Variants in FBP1 observed in about 807,000 individuals in gnomAD.
FBP1 encodes fructose-1,6-bisphosphatase 1.
A neutral mutation model predicts 29.9 loss-of-function variants in FBP1; 22 were observed. The observed-to-expected ratio is 0.74, with a 90% CI of 0.53 to 1.05. The LOEUF (loss-of-function observed/expected upper bound fraction) is 1.05, where lower values mean the gene tolerates loss of function less well. Among genes scored for constraint, FBP1 ranks in the 50% least tolerant of loss-of-function variants. The pLI is 0.00. For synonymous variants in FBP1, 175 were observed against 178.6 expected (o/e 0.98, Z 0.16); for missense variants, 345 against 448.2 (o/e 0.77, Z 2.08).
At chr9:94,613,730 C>A (rs1827819241) in intron 3 of FBP1, among the ~76,000 whole-genome samples, 1 of 150,924 alleles carries the variant, frequency 6.6e-6, no homozygotes, top group Admixed American at 6.6e-5. Flanking sequence ...GGCGCCACTG[C>A]TCTCAGCCTG....
chr9:94,622,298 G>A (rs563753650), intron 1 of FBP1, among the ~76,000 whole-genome samples: 1 of 152,246 alleles, frequency 6.6e-6, no homozygotes, highest in Non-Finnish European at 1.5e-5. Context: ...CAAGGCGAGA[G>A]CCTTGATGTG....
intron 1 of FBP1, among the ~76,000 whole-genome samples, chr9:94,629,558 CAGG>C (rs2131499367): frequency 6.6e-6 from 1 of 152,208 alleles, no homozygotes; most frequent in African/African-American, 2.4e-5. Context: ...CACCAGCCTC[CAGG>C]AGATCTTCCA....
rs568708589 is a variant in FBP1, at chr9:94,603,491, C to G, written c.907G>C (p.Val303Leu). Residue 303 changes from valine to leucine, a missense_variant, in exon 7 of 7, where the codon GTG becomes CTG. Coordinates refer to ENST00000375326, the MANE Select transcript of FBP1 (RefSeq NM_000507.4). ...GGMATTGKEA[V>L]LDVIPTDIHQ... ...ATGTCTGTGGGAATGACGTCTAACACGGCCTCCTTCCCAGTGGTGGCCATT... is the reference window on the plus strand; with the variant it reads ...ATGTCTGTGGGAATGACGTCTAACAGGGCCTCCTTCCCAGTGGTGGCCATT... The G allele has an allele frequency of 6.8e-6, 11 of 1,613,978 alleles. No homozygotes were observed. In the African/African-American group the frequency reaches 1.5e-4, roughly 22 times the overall value.
At chr9:94,619,298 G>A (rs1444776848) in intron 2 of FBP1, among the ~76,000 whole-genome samples, 1 of 152,152 alleles carries the variant, frequency 6.6e-6, no homozygotes, top group African/African-American at 2.4e-5. Context: ...ATAGGGTGAG[G>A]ACAGGCAGCC....
At chr9:94,605,296 G>A (rs139326390) in intron 6 of FBP1, among the ~76,000 whole-genome samples, 161 bp downstream of exon 6, 15 of 152,264 alleles carry the variant, frequency 9.9e-5, no homozygotes, top group Admixed American at 1.3e-4. Flanking sequence ...AGTTGATATC[G>A]TCTGGCTTTA....
rs59522821 is a variant in FBP1, at chr9:94,611,797, C to T, written c.427-1736G>A. ...GCATATTCTGGGGCTACAGCCTAGA[C>T]ACACTGTCAGACTTTCCATGGCGGG... On this transcript the variant is annotated intron_variant, in intron 3 of 6. Coordinates refer to ENST00000375326, the MANE Select transcript of FBP1 (RefSeq NM_000507.4). 3.5e-3 allele frequency among the ~76,000 whole-genome samples: 539 copies of T among 152,286 alleles called. 2 individuals are homozygous for T. Among genetic ancestry groups the T allele is most frequent in the African/African-American group, 0.012 (518 of 41,554 alleles).
intron 3 of FBP1, among the ~76,000 whole-genome samples, chr9:94,610,339 T>C (rs2131477230): frequency 1.3e-5 from 2 of 152,310 alleles, no homozygotes; most frequent in East Asian, 3.9e-4. Context: ...CACTATCAGT[T>C]CCAAAAAAGA....
intron 1 of FBP1, among the ~76,000 whole-genome samples, chr9:94,622,399 T>C (rs1346860651): frequency 2.6e-5 from 4 of 152,244 alleles, no homozygotes; most frequent in African/African-American, 7.2e-5. Context: ...ATGATGGCGA[T>C]GTGCGCTCGC....
chr9:94,604,069 C>T (rs534702539), intron 6 of FBP1: 15 of 204,100 alleles, frequency 7.3e-5, no homozygotes, highest in African/African-American at 1.8e-4. Context: ...TACGATTCTC[C>T]GAAGGCTTTT....
chr9:94,611,172 T>C (rs903081845), intron 3 of FBP1, among the ~76,000 whole-genome samples: 1 of 152,218 alleles, frequency 6.6e-6, no homozygotes, highest in Non-Finnish European at 1.5e-5. Context: ...CTGATCTTCT[T>C]TATTAACACT....
chr9:94,634,364 A>AT (rs574678964), intron 1 of FBP1, among the ~76,000 whole-genome samples: 47 of 152,024 alleles, frequency 3.1e-4, no homozygotes, highest in Admixed American at 1.5e-3. Context: ...CGATACAAAT[A>AT]TTTTTTCCTA....
intron 4 of FBP1, among the ~76,000 whole-genome samples, chr9:94,609,097 G>A (rs1469773412): frequency 6.6e-6 from 1 of 151,860 alleles, no homozygotes; most frequent in African/African-American, 2.4e-5. Flanking sequence ...GCTGAGGCAG[G>A]AGAATCGCTC....
intron 1 of FBP1, among the ~76,000 whole-genome samples, 188 bp from the exon 2 acceptor site, chr9:94,620,679 C>T (rs1319388115): frequency 6.6e-6 from 1 of 152,122 alleles, no homozygotes; most frequent in Non-Finnish European, 1.5e-5. Flanking sequence ...AACCAAACAC[C>T]ACATGTTCTC....
chr9:94,626,283 C>T (rs1366658698), intron 1 of FBP1, among the ~76,000 whole-genome samples: 1 of 152,170 alleles, frequency 6.6e-6, no homozygotes, highest in Admixed American at 6.5e-5. Context: ...TTAATCCTGG[C>T]GTTAGGAAAA....
intron 1 of FBP1, among the ~76,000 whole-genome samples, chr9:94,635,441 T>C (rs916625938): frequency 6.6e-6 from 1 of 152,248 alleles, no homozygotes; most frequent in Non-Finnish European, 1.5e-5. Flanking sequence ...TGATCCTGGG[T>C]GAGCTCCCTA....
chr9:94,639,591 C>T (rs1828255106), upstream of FBP1: 3 of 549,272 alleles, frequency 5.5e-6, no homozygotes, highest in Admixed American at 3.2e-5. Flanking sequence ...AACACTCTTG[C>T]GCCCCGCCTA....
chr9:94,625,768 C>T (rs1312981460), intron 1 of FBP1, among the ~76,000 whole-genome samples: 2 of 152,082 alleles, frequency 1.3e-5, no homozygotes, highest in Admixed American at 6.5e-5. Context: ...GCGCTCCAGC[C>T]TGGGCGACAG....
intron 3 of FBP1, 27 bp from the exon 4 acceptor site, chr9:94,610,088 G>A: frequency 6.2e-7 from 1 of 1,610,898 alleles, no homozygotes; most frequent in South Asian, 1.1e-5. Context: ...ATCAAAGAAT[G>A]TTTTTGTTTT....
At chr9:94,622,220 T>A (rs761591461) in intron 1 of FBP1, among the ~76,000 whole-genome samples, 24 of 152,198 alleles carry the variant, frequency 1.6e-4, no homozygotes, top group Non-Finnish European at 2.6e-4. Flanking sequence ...AAGCGGCAGG[T>A]TGTCATAGCC....
Sources: gnomAD v4.1 joint callset for allele counts (sites outside exome capture counted in the v4.1 genomes callset) on GRCh38, gnomAD v4.1.1 for gene constraint, MANE v1.5 for transcripts, NCBI Gene and HGNC (gene_info 2026-07-23, HGNC 2026-07-21) for gene names.